Variants in LGSN observed in about 807,000 individuals in gnomAD.
The protein encoded by LGSN is lengsin.
A neutral mutation model predicts 19.5 loss-of-function variants in LGSN; 21 were observed. The ratio of observed to expected loss-of-function variants is 1.07; its 90% CI spans 0.76 to 1.55. The LOEUF is 1.55. Ranked by LOEUF, LGSN falls within the 40% of genes most tolerant of loss-of-function variation. The pLI, the probability that LGSN is intolerant of heterozygous loss-of-function variation, is 0.00. For synonymous variants in LGSN, 257 were observed against 215.6 expected (o/e 1.19, Z -1.68); for missense variants, 673 against 608.5 (o/e 1.11, Z -1.12).
At chr6:63,330,793 G>A in the LGSN span, among the ~76,000 whole-genome samples, 1 of 152,198 alleles carries the variant, frequency 6.6e-6, no homozygotes, top group African/African-American at 2.4e-5. Flanking sequence ...TCATTTACTT[G>A]ACTAAGCTAC....
At chr6:63,528,066 GA>G in the LGSN span, 1 of 152,230 alleles carries the variant, frequency 6.6e-6, no homozygotes. Flanking sequence ...ATGGGAGAAG[GA>G]AGGCAGGCAG....
At chr6:63,412,673 G>GAAA in the LGSN span, among the ~76,000 whole-genome samples, 20 of 124,506 alleles carry the variant, frequency 1.6e-4, no homozygotes, top group South Asian at 1.3e-3. Flanking sequence ...AGGAAGGAAA[G>GAAA]GAAGAAAGAA....
At chr6:63,317,173 C>T (rs1302601842) in intron 1 of LGSN, among the ~76,000 whole-genome samples, 1 of 152,150 alleles carries the variant, frequency 6.6e-6, no homozygotes, top group African/African-American at 2.4e-5. Context: ...TAGAGGTCAA[C>T]ATAACATAAT....
chr6:63,337,741 C>A, the LGSN span, among the ~76,000 whole-genome samples: 1 of 147,898 alleles, frequency 6.8e-6, no homozygotes, highest in Admixed American at 6.7e-5. Context: ...GAAGTTGAGC[C>A]TGCAGTGAGC....
At chr6:63,569,736 T>C in the LGSN span, among the ~76,000 whole-genome samples, 1 of 152,192 alleles carries the variant, frequency 6.6e-6, no homozygotes, top group Non-Finnish European at 1.5e-5. Flanking sequence ...AATCCTCTAT[T>C]TTAGAGCCTC....
the LGSN span, among the ~76,000 whole-genome samples, chr6:63,357,392 C>T: frequency 6.6e-6 from 1 of 152,044 alleles, no homozygotes; most frequent in African/African-American, 2.4e-5. Context: ...GTTCTAGATC[C>T]CTGAAGAATT....
At chr6:63,382,561 G>A in the LGSN span, among the ~76,000 whole-genome samples, 1 of 152,208 alleles carries the variant, frequency 6.6e-6, no homozygotes, top group Non-Finnish European at 1.5e-5. Context: ...TGTTACCTAG[G>A]AGGGTAAAGC....
chr6:63,448,294 T>C, the LGSN span, among the ~76,000 whole-genome samples: 1 of 152,192 alleles, frequency 6.6e-6, no homozygotes. Flanking sequence ...CAACTGGACA[T>C]CTTATACTTT....
chr6:63,543,368 CT>C, the LGSN span, among the ~76,000 whole-genome samples: 1 of 152,264 alleles, frequency 6.6e-6, no homozygotes, highest in Non-Finnish European at 1.5e-5. Flanking sequence ...TTCTTGGCAC[CT>C]TTCAAAAGTT....
At chr6:63,366,339 A>T in the LGSN span, among the ~76,000 whole-genome samples, 1 of 152,220 alleles carries the variant, frequency 6.6e-6, no homozygotes, top group East Asian at 1.9e-4. Context: ...CCCACTCACA[A>T]TTGCTTCAAA....
the LGSN span, among the ~76,000 whole-genome samples, chr6:63,380,137 C>T: frequency 6.6e-6 from 1 of 152,162 alleles, no homozygotes; most frequent in Admixed American, 6.6e-5. Context: ...CACGCCCGGC[C>T]TCATAAAATT....
the LGSN span, among the ~76,000 whole-genome samples, chr6:63,523,369 C>T: frequency 2.6e-5 from 4 of 151,972 alleles, no homozygotes; most frequent in African/African-American, 9.7e-5. Context: ...CCTGTCTCTA[C>T]TAGAAAACAC....
the LGSN span, among the ~76,000 whole-genome samples, chr6:63,458,432 T>C: frequency 2.6e-5 from 4 of 152,234 alleles, no homozygotes; most frequent in African/African-American, 9.6e-5. Context: ...CCTATAATTT[T>C]CTAGATTTTT....
chr6:63,351,096 T>C, the LGSN span, among the ~76,000 whole-genome samples: 6 of 152,180 alleles, frequency 3.9e-5, no homozygotes, highest in South Asian at 1.0e-3. Context: ...CCCTCACAAA[T>C]GGGATTAGTG....
At chr6:63,442,130 T>C in the LGSN span, among the ~76,000 whole-genome samples, 1 of 152,158 alleles carries the variant, frequency 6.6e-6, no homozygotes, top group Non-Finnish European at 1.5e-5. Flanking sequence ...TTGTTCCTCA[T>C]GTCCGGAGTT....
chr6:63,462,732 C>G, the LGSN span, among the ~76,000 whole-genome samples: 1 of 152,204 alleles, frequency 6.6e-6, no homozygotes, highest in Non-Finnish European at 1.5e-5. Flanking sequence ...AGGCCTACCT[C>G]TACAGCGTAC....
chr6:63,505,629 G>GAAAAAAAT, the LGSN span, among the ~76,000 whole-genome samples: 1 of 87,850 alleles, frequency 1.1e-5, no homozygotes. Context: ...AAGAAAGAAA[G>GAAAAAAAT]AAAGAAATTC....
At chr6:63,287,712 T>C (rs564052852) in intron 2 of LGSN, among the ~76,000 whole-genome samples, 85 of 151,746 alleles carry the variant, frequency 5.6e-4, no homozygotes, top group Middle Eastern at 3.4e-3. Context: ...TCTTAACCAA[T>C]AATAATAATA....
the LGSN span, among the ~76,000 whole-genome samples, chr6:63,496,896 C>G: frequency 6.6e-6 from 1 of 152,188 alleles, no homozygotes; most frequent in East Asian, 1.9e-4. Flanking sequence ...TCTGCCCTTG[C>G]CTGTATAGGA....
Sources: allele counts gnomAD v4.1 joint callset (sites outside exome capture counted in the v4.1 genomes callset), GRCh38; gene constraint gnomAD v4.1.1; transcripts MANE v1.5; gene names NCBI Gene and HGNC (gene_info 2026-07-23, HGNC 2026-07-21).